Variants in CCDC85A observed in about 807,000 individuals in gnomAD.
CCDC85A encodes coiled-coil domain-containing protein 85A.
A neutral mutation model predicts 50.2 loss-of-function variants in CCDC85A; 38 were observed. The observed-to-expected ratio is 0.76, with a 90% CI of 0.58 to 0.99. CCDC85A has a LOEUF of 0.99. Among genes scored for constraint, CCDC85A ranks in the 50% least tolerant of loss-of-function variants. The pLI is 0.00. For missense variants in CCDC85A, 820 were observed against 742.0 expected (o/e 1.11, Z -1.22); for synonymous variants, 366 against 301.4 (o/e 1.21, Z -2.22).
In CCDC85A at chr2:56,314,941, T is replaced by C. The variant is rs554424671; in HGVS notation, c.1241-27938T>C. ...TAGAGGAAAGGGTGTGGATAGAGAC[T>C]GTAATTGTTCCTCCTTCCCTTCCCA... On this transcript the variant is annotated intron_variant, in intron 2 of 5. Coordinates refer to ENST00000407595, the MANE Select transcript of CCDC85A (RefSeq NM_001080433.2). Among the ~76,000 whole-genome samples the C allele has an allele frequency of 5.3e-5, 8 of 152,240 alleles. No homozygotes were observed. In the South Asian group the frequency reaches 1.0e-3, roughly 20 times the overall value.
intron 2 of CCDC85A, among the ~76,000 whole-genome samples, chr2:56,281,742 A>T (rs1671217026): frequency 6.6e-6 from 1 of 151,824 alleles, no homozygotes; most frequent in Non-Finnish European, 1.5e-5. Context: ...GCCTTTTTTG[A>T]TTAGCTGTTT....
At chr2:56,368,114 C>G (rs1378054520) in intron 3 of CCDC85A, among the ~76,000 whole-genome samples, 1 of 152,082 alleles carries the variant, frequency 6.6e-6, no homozygotes. Flanking sequence ...TGCAATATCA[C>G]GTCTGATAGT....
At chr2:56,290,287 A>G (rs1671641064) in intron 2 of CCDC85A, among the ~76,000 whole-genome samples, 1 of 152,070 alleles carries the variant, frequency 6.6e-6, no homozygotes, top group South Asian at 2.1e-4. Flanking sequence ...TTTTGCTAAT[A>G]CTAACATGGA....
At chr2:56,303,163 C>G (rs911930895) in intron 2 of CCDC85A, among the ~76,000 whole-genome samples, 1 of 152,120 alleles carries the variant, frequency 6.6e-6, no homozygotes, top group African/African-American at 2.4e-5. Flanking sequence ...TCTTCGTTGA[C>G]TTTTTTGTCT....
intron 2 of CCDC85A, among the ~76,000 whole-genome samples, chr2:56,276,213 A>G (rs933055142): frequency 2.0e-5 from 3 of 152,176 alleles, no homozygotes; most frequent in Non-Finnish European, 2.9e-5. Flanking sequence ...TCCCAGGAAT[A>G]TGGCAATTTC....
chr2:56,273,618 G>A (rs974479136), intron 2 of CCDC85A, among the ~76,000 whole-genome samples: 1 of 151,662 alleles, frequency 6.6e-6, no homozygotes, highest in African/African-American at 2.4e-5. Flanking sequence ...CTTCTTGGAA[G>A]GTTACTGGAG....
At chr2:56,216,725 CATT>C (rs1677409474) in intron 2 of CCDC85A, among the ~76,000 whole-genome samples, 1 of 145,978 alleles carries the variant, frequency 6.9e-6, no homozygotes. Context: ...AACTTTGCCA[CATT>C]ATTTTTATCT....
At chr2:56,236,327 T>C (rs2103952274) in intron 2 of CCDC85A, among the ~76,000 whole-genome samples, 1 of 152,244 alleles carries the variant, frequency 6.6e-6, no homozygotes, top group African/African-American at 2.4e-5. Flanking sequence ...TGAAAAAGGT[T>C]AGGGAATGTG....
At chr2:56,340,795 G>A in intron 2 of CCDC85A, among the ~76,000 whole-genome samples, 1 of 144,476 alleles carries the variant, frequency 6.9e-6, no homozygotes, top group East Asian at 2.2e-4. Flanking sequence ...AGAATCGCTT[G>A]AACCTGGGAG....
chr2:56,346,446 T>C (rs1674635600), intron 3 of CCDC85A, among the ~76,000 whole-genome samples: 2 of 152,126 alleles, frequency 1.3e-5, no homozygotes, highest in South Asian at 2.1e-4. Flanking sequence ...TTAAGTTAGT[T>C]TTATCCAGTG....
At chr2:56,366,578 C>T (rs1675806296) in intron 3 of CCDC85A, among the ~76,000 whole-genome samples, 1 of 152,172 alleles carries the variant, frequency 6.6e-6, no homozygotes, top group African/African-American at 2.4e-5. Context: ...AGGTCCTTTG[C>T]TCATTTTTCA....
chr2:56,351,880 G>T (rs941676602), intron 3 of CCDC85A, among the ~76,000 whole-genome samples: 3 of 151,996 alleles, frequency 2.0e-5, no homozygotes, highest in Non-Finnish European at 4.4e-5. Context: ...GTCAATTTTG[G>T]CTTTTGTTGC....
At chr2:56,242,375 T>C (rs1266148062) in intron 2 of CCDC85A, among the ~76,000 whole-genome samples, 1 of 152,076 alleles carries the variant, frequency 6.6e-6, no homozygotes, top group East Asian at 1.9e-4. Context: ...CTTGGTTTCC[T>C]CAGAGGCCTC....
intron 2 of CCDC85A, among the ~76,000 whole-genome samples, chr2:56,287,209 G>C (rs1573179614): frequency 6.6e-6 from 1 of 152,160 alleles, no homozygotes; most frequent in Admixed American, 6.5e-5. Context: ...GGACTCATGG[G>C]AGACCTTCAA....
intron 2 of CCDC85A, among the ~76,000 whole-genome samples, chr2:56,220,589 T>C (rs1312431304): frequency 1.3e-5 from 2 of 152,028 alleles, no homozygotes; most frequent in Non-Finnish European, 2.9e-5. Flanking sequence ...ATTCCGTAAA[T>C]TGCAGACAGT....
chr2:56,335,977 C>G (rs1028149119), intron 2 of CCDC85A, among the ~76,000 whole-genome samples: 1 of 152,054 alleles, frequency 6.6e-6, no homozygotes, highest in Non-Finnish European at 1.5e-5. Flanking sequence ...TCTTAAAGGT[C>G]CCACCTCTTA....
chr2:56,308,691 T>A (rs1296005040), intron 2 of CCDC85A, among the ~76,000 whole-genome samples: 1 of 152,168 alleles, frequency 6.6e-6, no homozygotes, highest in Non-Finnish European at 1.5e-5. Context: ...CAAATGGCAT[T>A]TGTTTATGAG....
intron 3 of CCDC85A, among the ~76,000 whole-genome samples, chr2:56,363,643 C>A (rs1331560747): frequency 6.6e-6 from 1 of 152,174 alleles, no homozygotes; most frequent in Non-Finnish European, 1.5e-5. Context: ...CACCACCTCA[C>A]AGTGGAATAT....
chr2:56,366,608 A>G (rs973665209), intron 3 of CCDC85A, among the ~76,000 whole-genome samples: 3 of 152,092 alleles, frequency 2.0e-5, no homozygotes, highest in Non-Finnish European at 2.9e-5. Flanking sequence ...TTTCCTTGCT[A>G]TTGAGATGTT....
Sources: gnomAD v4.1 joint callset for allele counts (sites outside exome capture counted in the v4.1 genomes callset) on GRCh38, gnomAD v4.1.1 for gene constraint, MANE v1.5 for transcripts, NCBI Gene and HGNC (gene_info 2026-07-23, HGNC 2026-07-21) for gene names.